Variants in RFX3 observed in about 807,000 individuals in gnomAD.
RFX3 encodes the protein transcription factor RFX3.
Under a neutral mutation model 98.6 loss-of-function variants are expected in RFX3, and 14 were observed. The ratio of observed to expected loss-of-function variants is 0.14; its 90% CI spans 0.09 to 0.22. The LOEUF is 0.22. Among genes scored for constraint, RFX3 ranks in the 10% least tolerant of loss-of-function variants. RFX3 has a pLI of 1.00. For synonymous variants in RFX3, 383 were observed against 328.4 expected (o/e 1.17, Z -1.80); for missense variants, 639 against 926.9 (o/e 0.69, Z 4.03).
chr9:3,344,658 C>T, intron 3 of RFX3: 1 of 579,142 alleles, frequency 1.7e-6, no homozygotes, highest in African/African-American at 1.9e-5. Context: ...TACAAACTCC[C>T]ATTCTCACAT....
At chr9:3,419,778 A>C (rs1210885032) in intron 1 of RFX3, among the ~76,000 whole-genome samples, 1 of 152,252 alleles carries the variant, frequency 6.6e-6, no homozygotes, top group Admixed American at 6.5e-5. Flanking sequence ...TTTATTAATT[A>C]TATTTGTACA....
chr9:3,418,695 A>G lies in RFX3; in HGVS notation c.-8-23099T>C, dbSNP rs576491915. On this transcript the variant is annotated intron_variant, in intron 1 of 16. Coordinates refer to ENST00000617270, the MANE Select transcript of RFX3 (RefSeq NM_001282116.2). ...GTGCCCGGCCAAATACTTGAAGCTTATTAATCAAATCACTAATTTAAACGT... is the reference window on the plus strand; with the variant it reads ...GTGCCCGGCCAAATACTTGAAGCTTGTTAATCAAATCACTAATTTAAACGT... Among the ~76,000 whole-genome samples the G allele has an allele frequency of 2.4e-4, 36 of 152,304 alleles. No individual in the cohort carries two copies. In the East Asian group the frequency reaches 6.4e-3, roughly 27 times the overall value.
At chr9:3,435,632 G>C (rs1186591658) in intron 1 of RFX3, among the ~76,000 whole-genome samples, 1 of 151,764 alleles carries the variant, frequency 6.6e-6, no homozygotes, top group Non-Finnish European at 1.5e-5. Context: ...TACTCTGCTA[G>C]AATGTTACCT....
chr9:3,498,772 G>C (rs897816897), intron 1 of RFX3, among the ~76,000 whole-genome samples: 2 of 152,024 alleles, frequency 1.3e-5, no homozygotes, highest in African/African-American at 4.8e-5. Context: ...AGAAAACCAT[G>C]ACAACTGTTT....
chr9:3,351,331 A>G (rs994694445), intron 2 of RFX3, among the ~76,000 whole-genome samples: 6 of 152,216 alleles, frequency 3.9e-5, no homozygotes, highest in African/African-American at 1.4e-4. Context: ...GTAAATATAC[A>G]AACATATACT....
chr9:3,238,290 G>C (rs1276781910), intron 15 of RFX3, among the ~76,000 whole-genome samples: 1 of 152,192 alleles, frequency 6.6e-6, no homozygotes, highest in Non-Finnish European at 1.5e-5. Flanking sequence ...TTTGACGTCA[G>C]GTTGACACTG....
intron 1 of RFX3, among the ~76,000 whole-genome samples, chr9:3,494,343 C>T (rs1850957335): frequency 6.6e-6 from 1 of 152,128 alleles, no homozygotes; most frequent in African/African-American, 2.4e-5. Flanking sequence ...TCCCAAAGAA[C>T]TTTTGTTGGG....
In RFX3 at chr9:3,220,548, G is replaced by C. The variant is rs547352166; in HGVS notation, c.*4494C>G. On this transcript the variant is annotated 3_prime_UTR_variant, in exon 17 of 17. Transcript: ENST00000617270. ...CTTACTTAGATGGCAGTGAATATTTGGGAATAAATATATCAAGCCCTCTTG... is the reference window on the plus strand; with the variant it reads ...CTTACTTAGATGGCAGTGAATATTTCGGAATAAATATATCAAGCCCTCTTG... 6.6e-6 allele frequency: 1 copy of C among 151,590 alleles called. No individual in the cohort carries two copies. Among genetic ancestry groups the C allele is most frequent in the Non-Finnish European group, 1.5e-5 (1 of 67,912 alleles). The allele number at this position is 151,590 out of a possible 1,614,324, so 9.4% of individuals were successfully genotyped here.
At chr9:3,494,011 A>G (rs576790028) in intron 1 of RFX3, among the ~76,000 whole-genome samples, 3 of 152,094 alleles carry the variant, frequency 2.0e-5, no homozygotes, top group East Asian at 3.9e-4. Context: ...CCATTTTTCT[A>G]TACCCCCATA....
At chr9:3,270,939 T>A in intron 10 of RFX3, 64 bp downstream of exon 10, 3 of 1,609,412 alleles carry the variant, frequency 1.9e-6, no homozygotes, top group Non-Finnish European at 2.5e-6. Context: ...TACATATCTC[T>A]AATTTATTAG....
chr9:3,356,518 A>T (rs1563978889), intron 2 of RFX3, among the ~76,000 whole-genome samples: 1 of 151,862 alleles, frequency 6.6e-6, no homozygotes, highest in Non-Finnish European at 1.5e-5. Context: ...CCAGGCCCTG[A>T]TGGTTTCACT....
At chr9:3,474,981 C>A (rs1192061925) in intron 1 of RFX3, among the ~76,000 whole-genome samples, 1 of 151,784 alleles carries the variant, frequency 6.6e-6, no homozygotes, top group East Asian at 1.9e-4. Flanking sequence ...TGCCTATAGT[C>A]CTAGCTACTC....
At chr9:3,238,543 A>G (rs141995299) in intron 15 of RFX3, among the ~76,000 whole-genome samples, 194 of 152,334 alleles carry the variant, frequency 1.3e-3, no homozygotes, top group African/African-American at 4.4e-3. Flanking sequence ...AAAGAAGTCA[A>G]TGAAGAAATA....
At chr9:3,415,106 G>GTA (rs1157171981) in intron 1 of RFX3, among the ~76,000 whole-genome samples, 5 of 80,308 alleles carry the variant, frequency 6.2e-5, no homozygotes, top group Non-Finnish European at 8.2e-5. Context: ...TCATATATAA[G>GTA]TATATATATA....
chr9:3,279,951 G>C (rs992578556), intron 7 of RFX3, among the ~76,000 whole-genome samples: 1 of 151,664 alleles, frequency 6.6e-6, no homozygotes, highest in Admixed American at 6.6e-5. Context: ...GAGGTAAGTT[G>C]GTAAATTCTG....
intron 1 of RFX3, among the ~76,000 whole-genome samples, chr9:3,432,171 T>C (rs1021013467): frequency 6.6e-6 from 1 of 152,130 alleles, no homozygotes; most frequent in African/African-American, 2.4e-5. Context: ...AGAAGTACCT[T>C]GTAAATAAAC....
rs1307370175 is a variant in RFX3, at chr9:3,221,938, AAAG to A, written c.*3101_*3103del. ...GATTGGTTATAATTGCAAGAAATAC[AAAG>A]AAGTCTTAAAATGTGTACTTGTGTC... On this transcript the variant is annotated 3_prime_UTR_variant, in exon 17 of 17. Coordinates refer to ENST00000617270, the MANE Select transcript of RFX3 (RefSeq NM_001282116.2). The A allele has an allele frequency of 6.6e-6, 1 of 152,166 alleles. No homozygotes were observed. The highest frequency in any genetic ancestry group is 6.5e-5 in the Admixed American group (1 of 15,276). The allele number at this position is 152,166 out of a possible 1,614,324, so 9.4% of individuals were successfully genotyped here.
chr9:3,452,632 G>C (rs1019678854), intron 1 of RFX3, among the ~76,000 whole-genome samples: 9 of 152,276 alleles, frequency 5.9e-5, no homozygotes, highest in African/African-American at 2.2e-4. Context: ...CCACAATTTA[G>C]ATACAATGGT....
chr9:3,345,930 T>C (rs1563962190), intron 3 of RFX3, among the ~76,000 whole-genome samples: 2 of 152,102 alleles, frequency 1.3e-5, no homozygotes, highest in South Asian at 2.1e-4. Flanking sequence ...ATACCAACAC[T>C]GATGGGAGGT....
Sources: gnomAD v4.1 joint callset for allele counts (sites outside exome capture counted in the v4.1 genomes callset) on GRCh38, gnomAD v4.1.1 for gene constraint, MANE v1.5 for transcripts, NCBI Gene and HGNC (gene_info 2026-07-23, HGNC 2026-07-21) for gene names.